The following ATRNL1 variants were observed in gnomAD, a reference collection of about 807,000 sequenced individuals.
ATRNL1 encodes the protein attractin like 1.
ATRNL1 carries 95 observed loss-of-function variants against 182.7 expected under a neutral mutation model. The observed-to-expected ratio is 0.52, with a 90% CI of 0.44 to 0.62. The LOEUF (loss-of-function observed/expected upper bound fraction) is 0.62. Among genes scored for constraint, ATRNL1 ranks in the 20% least tolerant of loss-of-function variants. The pLI is 0.00. For synonymous variants in ATRNL1, 576 were observed against 568.3 expected (o/e 1.01, Z -0.19); for missense variants, 1,471 against 1,679.5 (o/e 0.88, Z 2.17).
chr10:115,115,757 G>A (rs767234143), intron 1 of ATRNL1, among the ~76,000 whole-genome samples: 40 of 152,056 alleles, frequency 2.6e-4, no homozygotes, highest in Non-Finnish European at 5.0e-4. Flanking sequence ...CAGAGATTTC[G>A]TAAATTAAAA....
At chr10:115,228,220 G>T (rs1474881393) in intron 9 of ATRNL1, among the ~76,000 whole-genome samples, 1 of 152,128 alleles carries the variant, frequency 6.6e-6, no homozygotes, top group East Asian at 1.9e-4. Context: ...TAAAATTTCA[G>T]TCATTTCTGC....
At chr10:115,452,612 T>TA (rs1226439934) in intron 21 of ATRNL1, among the ~76,000 whole-genome samples, 1 of 152,124 alleles carries the variant, frequency 6.6e-6, no homozygotes, top group African/African-American at 2.4e-5. Flanking sequence ...TAGGAAATAA[T>TA]TATACATCTA....
chr10:115,162,148 C>CAA (rs61094740), intron 6 of ATRNL1, among the ~76,000 whole-genome samples: 51 of 138,432 alleles, frequency 3.7e-4, no homozygotes, highest in African/African-American at 1.2e-3. Context: ...CTGGCAATGA[C>CAA]AAAAAAAAAA....
intron 24 of ATRNL1, among the ~76,000 whole-genome samples, chr10:115,499,517 C>T (rs146245120): frequency 1.3e-5 from 2 of 152,300 alleles, no homozygotes; most frequent in East Asian, 3.9e-4. Flanking sequence ...GTTTTGATGA[C>T]ATGTGCCCAA....
In ATRNL1 at chr10:115,461,941, A is replaced by G; in HGVS notation, c.3323A>G (p.Tyr1108Cys). Residue 1108 changes from tyrosine (Y) to cysteine (C), a missense_variant and splice_region_variant, in exon 22 of 29, where the codon TAC (tyrosine) becomes TGC (cysteine). This residue lies in a region of ATRNL1 where 437 missense variants were observed against 506.0 expected (regional missense o/e 0.86). Transcript: ENST00000355044. Reference sequence around the variant, plus strand: ...ATTGTACTTTTTTTCCTCCCTACAGACAGCCTTTTGATTGATTATCAATTT... The same window carrying G: ...ATTGTACTTTTTTTCCTCCCTACAGGCAGCCTTTTGATTGATTATCAATTT... ...VGNPLRGTCY[Y>C]SLLIDYQFTF... The G allele has an allele frequency of 6.2e-7, 1 of 1,606,840 alleles. No individual in the cohort carries two copies. Among genetic ancestry groups the G allele is most frequent in the Non-Finnish European group, 8.5e-7 (1 of 1,176,526 alleles).
At chr10:115,633,220 T>C (rs1236973843) in intron 26 of ATRNL1, among the ~76,000 whole-genome samples, 2 of 152,148 alleles carry the variant, frequency 1.3e-5, no homozygotes, top group Non-Finnish European at 2.9e-5. Context: ...CTAAAGTTAA[T>C]ATTTTAAGCG....
intron 12 of ATRNL1, 71 bp downstream of exon 12, chr10:115,267,076 C>G: frequency 9.4e-7 from 1 of 1,069,450 alleles, no homozygotes; most frequent in Non-Finnish European, 1.4e-6. Context: ...ATATCTTCTG[C>G]TTATAAGAAT....
rs1949025640 is a variant in ATRNL1, at chr10:115,772,694, C to G, written c.3903+45339C>G. On this transcript the variant is annotated intron_variant, in intron 27 of 28. Transcript: ENST00000355044. ...TACATTTTCCCTGTAAGCTAAAAGC[C>G]ATAAGTATCCCTACAGATATTTTTT... is the stretch of plus-strand genomic sequence containing the variant. Among the ~76,000 whole-genome samples, 4 of 150,014 alleles carry G rather than the reference C, an allele frequency of 2.7e-5. No homozygotes were observed. The South Asian group carries it at 8.5e-4, about 32-fold the overall frequency.
rs574127232 is a variant in ATRNL1 at position 115,281,382 on chromosome 10, G to A, written c.2128G>A (p.Val710Met). The change falls in exon 14 of 29, where the codon GTG (valine) becomes ATG (methionine). Residue 710 changes from valine to methionine, a missense_variant. Transcript: ENST00000355044. ...TGTCAAGAACTACACCAAATGTCATGTGAGAAATGAGCAGATTTGTAACAA... is the reference window on the plus strand; with the variant it reads ...TGTCAAGAACTACACCAAATGTCATATGAGAAATGAGCAGATTTGTAACAA... ...MSVKNYTKCH[V>M]RNEQICNKLT... The A allele has an allele frequency of 6.2e-7, 1 of 1,613,104 alleles. No individual in the cohort carries two copies. Among genetic ancestry groups the A allele is most frequent in the South Asian group, 1.1e-5 (1 of 90,948 alleles).
chr10:115,374,339 C>CATTT (rs1156486482), intron 19 of ATRNL1, among the ~76,000 whole-genome samples: 2 of 150,862 alleles, frequency 1.3e-5, no homozygotes, highest in African/African-American at 4.9e-5. Flanking sequence ...GTTCCTATTT[C>CATTT]ATTTATTTAT....
At position 115,790,079 on chromosome 10, in the gene ATRNL1, TA is replaced by T. The variant is rs540051001; in HGVS notation, c.3904-57797del. 4.3e-3 allele frequency among the ~76,000 whole-genome samples: 660 copies of T among 152,290 alleles called. 5 individuals carry two copies. The highest frequency in any genetic ancestry group is 6.0e-3 in the Non-Finnish European group (409 of 68,020). On this transcript the variant is annotated intron_variant, in intron 27 of 28. Transcript: ENST00000355044. ...TATTCCATTAAATATTCTATGCTTT[TA>T]TTTTTTTCAGACACATTTTCTTGTA...
At chr10:115,159,192 T>G (rs1243873499) in intron 5 of ATRNL1, among the ~76,000 whole-genome samples, 15 of 151,558 alleles carry the variant, frequency 9.9e-5, no homozygotes, top group Non-Finnish European at 1.9e-4. Context: ...TGTTTTATGC[T>G]TATAAAAGAA....
At chr10:115,503,159 T>G (rs782051863) in intron 24 of ATRNL1, among the ~76,000 whole-genome samples, 25 of 152,162 alleles carry the variant, frequency 1.6e-4, no homozygotes, top group Non-Finnish European at 2.6e-4. Context: ...TGAAGAAGGA[T>G]ACACATATGT....
At chr10:115,503,114 A>T (rs566771837) in intron 24 of ATRNL1, among the ~76,000 whole-genome samples, 2 of 152,284 alleles carry the variant, frequency 1.3e-5, no homozygotes, top group East Asian at 3.8e-4. Context: ...ATTTAAAACC[A>T]TGTAACTTAA....
chr10:115,744,205 T>G (rs1555068556), intron 27 of ATRNL1, among the ~76,000 whole-genome samples: 1 of 152,096 alleles, frequency 6.6e-6, no homozygotes, highest in African/African-American at 2.4e-5. Flanking sequence ...AATAGAATGA[T>G]TATGCCTATA....
chr10:115,550,015 T>C (rs1852877228), intron 26 of ATRNL1, among the ~76,000 whole-genome samples: 1 of 151,892 alleles, frequency 6.6e-6, no homozygotes, highest in African/African-American at 2.4e-5. Flanking sequence ...AATCCAACTC[T>C]GTTTAAAGAG....
rs1480905860 is a variant in ATRNL1 at position 115,947,285 on chromosome 10, TG to T, written c.*2507del. 4 of 152,736 alleles carry T rather than the reference TG, an allele frequency of 2.6e-5. No individual in the cohort carries two copies. The East Asian group carries it at 7.7e-4, about 29-fold the overall frequency. The allele number at this position is 152,736 out of a possible 1,614,324, so 9.5% of individuals were successfully genotyped here. A position where few individuals can be genotyped will look rare whatever the true frequency, so the allele number is the denominator to read the frequency against. ...TTTTTTAAATCAAACCACACAAATA[TG>T]CAGATACTTTCCCAGAATTTCGCAG... On this transcript the variant is annotated 3_prime_UTR_variant, in exon 29 of 29. Coordinates refer to ENST00000355044, the MANE Select transcript of ATRNL1 (RefSeq NM_207303.4).
chr10:115,269,143 TG>T (rs1488701690), intron 13 of ATRNL1, among the ~76,000 whole-genome samples: 1 of 152,112 alleles, frequency 6.6e-6, no homozygotes, highest in African/African-American at 2.4e-5. Flanking sequence ...TTATTTGTTG[TG>T]GGAGGGCTGT....
intron 17 of ATRNL1, among the ~76,000 whole-genome samples, chr10:115,308,099 T>C (rs1853825698): frequency 1.3e-5 from 2 of 152,182 alleles, no homozygotes; most frequent in Non-Finnish European, 2.9e-5. Context: ...AACTTTTCTT[T>C]GGAAATGAGA....
Sources: gnomAD v4.1 joint callset for allele counts (sites outside exome capture counted in the v4.1 genomes callset) on GRCh38, gnomAD v4.1.1 for gene constraint, gnomAD v4.1.1 regional missense constraint, MANE v1.5 for transcripts, NCBI Gene and HGNC (gene_info 2026-07-23, HGNC 2026-07-21) for gene names.